Variants in TMPRSS4 observed in about 807,000 individuals in gnomAD.
The protein encoded by TMPRSS4 is transmembrane protease serine 4.
A neutral mutation model predicts 56.4 loss-of-function variants in TMPRSS4; 45 were observed. That is an observed-to-expected ratio of 0.80 (90% CI 0.63 to 1.02). TMPRSS4 has a LOEUF of 1.02. Among genes scored for constraint, TMPRSS4 ranks in the 50% least tolerant of loss-of-function variants. The pLI, the probability that TMPRSS4 is intolerant of heterozygous loss-of-function variation, is 0.00. For synonymous variants in TMPRSS4, 205 were observed against 211.0 expected, an observed-to-expected ratio of 0.97 and a Z score of 0.25; for missense variants, 546 against 556.7, an observed-to-expected ratio of 0.98 and a Z score of 0.19.
rs1399584448 is a variant in TMPRSS4 at position 118,112,128 on chromosome 11, C to T, written c.743+228C>T. Among the ~76,000 whole-genome samples the T allele has an allele frequency of 2.0e-5, 3 of 152,226 alleles. No homozygotes were observed. In the East Asian group the frequency reaches 5.8e-4, roughly 29 times the overall value. On this transcript the variant is annotated intron_variant, in intron 8 of 12. Transcript: ENST00000437212. ...AGCATGGCCTCTTCCTGGTGGGACACCAGCAGATACCCAGAGTCCTCACCC... is the reference window on the plus strand; with the variant it reads ...AGCATGGCCTCTTCCTGGTGGGACATCAGCAGATACCCAGAGTCCTCACCC...
chr11:118,117,829 A>G, intron 12 of TMPRSS4, 73 bp from the exon 13 acceptor site: 2 of 1,613,802 alleles, frequency 1.2e-6, no homozygotes, highest in Non-Finnish European at 1.7e-6. Flanking sequence ...AGGAAGACTC[A>G]CGTTACACAT....
intron 4 of TMPRSS4, 57 bp downstream of exon 4, chr11:118,103,310 C>A (rs936185009): frequency 1.9e-6 from 3 of 1,579,688 alleles, no homozygotes; most frequent in African/African-American, 1.3e-5. Flanking sequence ...TCTGCTCAGG[C>A]CCCCACGGCC....
chr11:118,092,672 G>A (rs1946047306), intron 1 of TMPRSS4, among the ~76,000 whole-genome samples: 1 of 152,246 alleles, frequency 6.6e-6, no homozygotes, highest in Non-Finnish European at 1.5e-5. Flanking sequence ...CAAGAAGGCA[G>A]TCTGCTCTGG....
rs558171032 is a variant in TMPRSS4, at chr11:118,108,838, G to A, written c.543-18G>A. The A allele has an allele frequency of 1.4e-5, 22 of 1,613,874 alleles. No homozygotes were observed. The highest frequency in any genetic ancestry group is 4.5e-5 in the East Asian group (2 of 44,856). ...GAGGAAGAAGCTTAAATCACAGGGC[G>A]CTGTGTCTGTCTTCCAGGCCCTGTC... On this transcript the variant is annotated intron_variant, in intron 6 of 12. Coordinates refer to ENST00000437212, the MANE Select transcript of TMPRSS4 (RefSeq NM_019894.4).
In TMPRSS4 at chr11:118,121,554, T is replaced by TCA. The variant is rs1284461814; in HGVS notation, c.*3643_*3644dup. Reference sequence around the variant, plus strand: ...TTGAATTTTTAGTAGAGATGGGGTTTCACTGTGTTGGCCAGGCCGGTCTCA... The same window carrying TCA: ...TTGAATTTTTAGTAGAGATGGGGTTTCACACTGTGTTGGCCAGGCCGGTCTCA... On this transcript the variant is annotated 3_prime_UTR_variant, in exon 13 of 13. Coordinates refer to ENST00000437212, the MANE Select transcript of TMPRSS4 (RefSeq NM_019894.4). The TCA allele has an allele frequency of 5.3e-5, 8 of 152,246 alleles. No homozygotes were observed. The highest frequency in any genetic ancestry group is 1.9e-4 in the African/African-American group (8 of 41,452). 9.4% of individuals were successfully genotyped at this position (152,246 alleles called of 1,614,324 possible). A position where few individuals can be genotyped will look rare whatever the true frequency, so the allele number is the denominator to read the frequency against.
In TMPRSS4 at chr11:118,117,390, C is replaced by G. The variant is rs118160252; in HGVS notation, c.1238C>G (p.Pro413Arg). Residue 413 changes from proline to arginine, a missense_variant, in exon 12 of 13, where the codon CCG becomes CGG. Coordinates refer to ENST00000437212, the MANE Select transcript of TMPRSS4 (RefSeq NM_019894.4). ...AGTTGGGGCTATGGCTGCGGGGGCC[C>G]GAGCACCCCAGGAGTATACACCAAG... Reference protein sequence around the residue: ...IVSWGYGCGGPSTPGVYTKVS... With the variant: ...IVSWGYGCGGRSTPGVYTKVS... 1.2e-6 allele frequency: 2 copies of G among 1,613,930 alleles called. No homozygotes were observed. Among genetic ancestry groups the G allele is most frequent in the Non-Finnish European group, 1.7e-6 (2 of 1,179,998 alleles).
chr11:118,093,071 C>A (rs192024581), intron 1 of TMPRSS4, among the ~76,000 whole-genome samples: 2 of 152,334 alleles, frequency 1.3e-5, no homozygotes, highest in African/African-American at 4.8e-5. Flanking sequence ...GACTGCAGAA[C>A]CAGGCTGTGT....
At chr11:118,099,247 A>G (rs1221583135) in intron 3 of TMPRSS4, 149 bp downstream of exon 3, 2 of 455,082 alleles carry the variant, frequency 4.4e-6, no homozygotes, top group African/African-American at 7.4e-5. Context: ...GCCCTCACCC[A>G]CTCAGTAAGT....
At position 118,103,204 on chromosome 11, in the gene TMPRSS4, G is replaced by A. The variant is rs1946807822; in HGVS notation, c.261G>A (p.Glu87=). 1 of 1,614,098 alleles carries A rather than the reference G, an allele frequency of 6.2e-7. No homozygotes were observed. Among genetic ancestry groups the A allele is most frequent in the African/African-American group, 1.3e-5 (1 of 74,946 alleles). ...CDGELDCPLG[E]DEEHCVKSFP... ...GAGAGCTGGACTGTCCCTTGGGGGA[G>A]GACGAGGAGCACTGTGTCAAGAGCT... is the stretch of plus-strand genomic sequence containing the variant. Residue 87 remains glutamate (E), a synonymous_variant, in exon 4 of 13, where the codon GAG becomes GAA. Transcript: ENST00000437212.
At chr11:118,102,999 T>C in intron 3 of TMPRSS4, 102 bp from the exon 4 acceptor site, 3 of 1,473,424 alleles carry the variant, frequency 2.0e-6, no homozygotes, top group South Asian at 1.3e-5. Context: ...AACTCACACA[T>C]GCGTGTCTGA....
Position 118,104,766 on chromosome 11 carries a change from A to G in TMPRSS4, c.386A>G (p.Asp129Gly). ...ATGNWFSACF[D>G]NFTEALAETA... ...GGGAACTGGTTCTCTGCCTGTTTCGACAACTTCACAGAAGCTCTCGCTGAG... is the reference window on the plus strand; with the variant it reads ...GGGAACTGGTTCTCTGCCTGTTTCGGCAACTTCACAGAAGCTCTCGCTGAG... Residue 129 changes from aspartate (D) to glycine (G), a missense_variant, in exon 5 of 13, where the codon GAC (aspartate) becomes GGC (glycine). Asp to Gly is a moderately conservative substitution (Grantham distance 94). Coordinates refer to ENST00000437212, the MANE Select transcript of TMPRSS4 (RefSeq NM_019894.4). The G allele has an allele frequency of 6.2e-7, 1 of 1,614,056 alleles. No homozygotes were observed. The highest frequency in any genetic ancestry group is 8.5e-7 in the Non-Finnish European group (1 of 1,179,970).
intron 1 of TMPRSS4, among the ~76,000 whole-genome samples, chr11:118,088,017 G>A (rs1945692402): frequency 6.7e-6 from 1 of 150,352 alleles, no homozygotes; most frequent in African/African-American, 2.5e-5. Context: ...GAGCTGGAGA[G>A]ATGCTGGGGG....
intron 1 of TMPRSS4, among the ~76,000 whole-genome samples, chr11:118,078,053 G>GAAAAC (rs1944825529): frequency 6.1e-5 from 1 of 16,382 alleles, no homozygotes; most frequent in African/African-American, 2.0e-4. Flanking sequence ...AAGAAAGAAG[G>GAAAAC]AAAAGAAAAC....
rs767978290 is a variant in TMPRSS4, at chr11:118,094,846, A to G, written c.34A>G (p.Asn12Asp). Residue 12 changes from asparagine to aspartate, a missense_variant, in exon 2 of 13, where the codon AAC becomes GAC. Coordinates refer to ENST00000437212, the MANE Select transcript of TMPRSS4 (RefSeq NM_019894.4). ...GGATCCTGACAGTGATCAACCTCTGAACAGCCTCGGTAAGTTCAGGTCCGG... is the reference window on the plus strand; with the variant it reads ...GGATCCTGACAGTGATCAACCTCTGGACAGCCTCGGTAAGTTCAGGTCCGG... The part of the protein sequence containing the change: ...LQDPDSDQPL[N>D]SLDVKPLRKP... The G allele has an allele frequency of 6.2e-7, 1 of 1,612,532 alleles. No homozygotes were observed. The highest frequency in any genetic ancestry group is 8.5e-7 in the Non-Finnish European group (1 of 1,179,428).
At chr11:118,082,574 G>GAAAA (rs386375031) in intron 1 of TMPRSS4, among the ~76,000 whole-genome samples, 1 of 151,416 alleles carries the variant, frequency 6.6e-6, no homozygotes, top group East Asian at 1.9e-4. Context: ...AAAAAAGAAA[G>GAAAA]AAAGAAAGAA....
rs1946805539 is a variant in TMPRSS4 at position 118,103,167 on chromosome 11, A to C, written c.224A>C (p.Gln75Pro). 6.2e-7 allele frequency: 1 copy of C among 1,614,102 alleles called. No homozygotes were observed. The highest frequency in any genetic ancestry group is 1.3e-5 in the African/African-American group (1 of 74,944). ...GQPLHFIPRKQLCDGELDCPL... is the reference protein window; with the variant it reads ...GQPLHFIPRKPLCDGELDCPL... ...CCTCTCCACTTCATCCCGAGGAAGCAGCTGTGTGACGGAGAGCTGGACTGT... is the reference window on the plus strand; with the variant it reads ...CCTCTCCACTTCATCCCGAGGAAGCCGCTGTGTGACGGAGAGCTGGACTGT... Residue 75 changes from glutamine (Q) to proline (P), a missense_variant, in exon 4 of 13, where the codon CAG becomes CCG. Transcript: ENST00000437212.
chr11:118,108,968 A>C, intron 7 of TMPRSS4, 72 bp downstream of exon 7: 1 of 1,542,722 alleles, frequency 6.5e-7, no homozygotes, highest in Non-Finnish European at 8.9e-7. Context: ...CTTCATCTTC[A>C]CTCCTAAATT....
intron 1 of TMPRSS4, among the ~76,000 whole-genome samples, chr11:118,081,400 C>T (rs138842509): frequency 2.1e-3 from 319 of 152,342 alleles, no homozygotes; most frequent in Middle Eastern, 6.8e-3. Flanking sequence ...CCCAGCCTGC[C>T]ACTCTGACTA....
rs375388446 is a variant in TMPRSS4 at position 118,077,357 on chromosome 11, T to C, written c.3+52T>C. The C allele has an allele frequency of 1.9e-4, 288 of 1,552,082 alleles. 2 individuals carry two copies. In the African/African-American group the frequency reaches 2.2e-3, roughly 12 times the overall value. ...GACACAGGAAGGGTGGGTCTCCCCATGTAAGGCCCTTCAAGCAGCCTGAGC... is the reference window on the plus strand; with the variant it reads ...GACACAGGAAGGGTGGGTCTCCCCACGTAAGGCCCTTCAAGCAGCCTGAGC... On this transcript the variant is annotated intron_variant, in intron 1 of 12. Coordinates refer to ENST00000437212, the MANE Select transcript of TMPRSS4 (RefSeq NM_019894.4).
Sources: gnomAD v4.1 joint callset for allele counts (sites outside exome capture counted in the v4.1 genomes callset) on GRCh38, gnomAD v4.1.1 for gene constraint, MANE v1.5 for transcripts, NCBI Gene and HGNC (gene_info 2026-07-23, HGNC 2026-07-21) for gene names.